The following HDLBP variants were observed in gnomAD, a reference collection of about 807,000 sequenced individuals.
HDLBP encodes high density lipoprotein binding protein, also known as vigilin.
In HDLBP, 30 loss-of-function variants were observed where a neutral mutation model predicts 137.3. That is an observed-to-expected ratio of 0.22 (90% confidence interval 0.16 to 0.30). HDLBP has a LOEUF of 0.30. Ranked by LOEUF, HDLBP falls within the 10% of genes least tolerant of loss-of-function variation. The pLI, the probability that HDLBP is intolerant of heterozygous loss-of-function variation, is 1.00. For missense variants in HDLBP, 1,119 were observed against 1,667.3 expected (o/e 0.67, Z 5.73); for synonymous variants, 606 against 596.0 (o/e 1.02, Z -0.24).
At position 241,236,593 on chromosome 2, in the gene HDLBP, AG is replaced by A. The variant is rs3214744; in HGVS notation, c.2904+21del. On this transcript the variant is annotated intron_variant, in intron 21 of 27. Coordinates refer to ENST00000310931, the MANE Select transcript of HDLBP (RefSeq NM_005336.6). ...CTGACTGGGCCTTGGCGGGGGGTGG[AG>A]GGGGGCACATGGACACATACCTCCA... The A allele has an allele frequency of 2.8e-4, 452 of 1,609,516 alleles. 5 individuals carry two copies. The East Asian group carries it at 9.3e-3, about 33-fold the overall frequency.
chr2:241,262,391 C>A (rs1456811845), intron 5 of HDLBP, among the ~76,000 whole-genome samples: 1 of 152,110 alleles, frequency 6.6e-6, no homozygotes, highest in Non-Finnish European at 1.5e-5. Flanking sequence ...CCACAGTGTA[C>A]TATAACCACA....
At chr2:241,253,242 C>G in intron 10 of HDLBP, 151 bp downstream of exon 10, 1 of 703,966 alleles carries the variant, frequency 1.4e-6, no homozygotes, top group South Asian at 1.6e-5. Context: ...CGACCAGCTT[C>G]TGGTTGTTTC....
At chr2:241,248,617 T>G (rs62186367) in intron 12 of HDLBP, among the ~76,000 whole-genome samples, 1 of 152,008 alleles carries the variant, frequency 6.6e-6, no homozygotes, top group Non-Finnish European at 1.5e-5. Flanking sequence ...GAACTCGCTG[T>G]AGGACCCTTC....
At chr2:241,235,670 C>T in intron 21 of HDLBP, 76 bp from the exon 22 acceptor site, 2 of 997,942 alleles carry the variant, frequency 2.0e-6, no homozygotes, top group Non-Finnish European at 3.1e-6. Flanking sequence ...AATGGGGCTC[C>T]ACGAAACACA....
chr2:241,249,375 C>T (rs773421966), intron 12 of HDLBP: 3 of 471,990 alleles, frequency 6.4e-6, no homozygotes, highest in Non-Finnish European at 1.3e-5. Context: ...AGGGTGCTCA[C>T]AGCTTGGCAT....
chr2:241,266,705 C>T, intron 3 of HDLBP, 89 bp downstream of exon 3: 1 of 903,044 alleles, frequency 1.1e-6, no homozygotes, highest in Non-Finnish European at 1.8e-6. Context: ...CCAAAAGGTA[C>T]TTCTAGAAAG....
rs2074166561 is a variant in HDLBP, at chr2:241,272,538, C to G, written c.-102-3997G>C. On this transcript the variant is annotated intron_variant, in intron 1 of 27. Transcript: ENST00000310931. The surrounding 1 kb of genome is among the most constrained non-coding windows in gnomAD (Gnocchi z 5.6). ...GCGCCACGGCCACGCGCAGAAGAGA[C>G]TCGGAGCCGGCCCCAGGTCTGGCCC... 1.0e-6 allele frequency: 1 copy of G among 984,566 alleles called. No individual in the cohort carries two copies. Among genetic ancestry groups the G allele is most frequent in the South Asian group, 4.7e-5 (1 of 21,278 alleles). The allele number at this position is 984,566 out of a possible 1,614,324, so 61.0% of individuals were successfully genotyped here.
At chr2:241,253,117 T>C in intron 10 of HDLBP, 82 bp from the exon 11 acceptor site, 3 of 1,006,952 alleles carry the variant, frequency 3.0e-6, no homozygotes, top group East Asian at 2.5e-5. Flanking sequence ...GTCTCCACGG[T>C]TGCCTTTTCT....
intron 1 of HDLBP, among the ~76,000 whole-genome samples, chr2:241,290,826 GAATT>G (rs1022126569): frequency 2.0e-5 from 3 of 152,132 alleles, no homozygotes; most frequent in African/African-American, 7.2e-5. Flanking sequence ...AAGCATCAGA[GAATT>G]ATTTAACTTT....
rs1182545688 is a variant in HDLBP at position 241,238,891 on chromosome 2, C to T, written c.2611-104G>A. The T allele has an allele frequency of 3.4e-6, 3 of 892,266 alleles. No homozygotes were observed. Among genetic ancestry groups the T allele is most frequent in the South Asian group, 2.7e-5 (1 of 37,276 alleles). 55.3% of individuals were successfully genotyped at this position (892,266 alleles called of 1,614,324 possible). A position where few individuals can be genotyped will look rare whatever the true frequency, so the allele number is the denominator to read the frequency against. Reference sequence around the variant, plus strand: ...CCACCTTCCTCCCTGTCCTCTACAGCCACTTGGCACAGATGCTCCCCTTCT... The same window carrying T: ...CCACCTTCCTCCCTGTCCTCTACAGTCACTTGGCACAGATGCTCCCCTTCT... On this transcript the variant is annotated intron_variant, in intron 19 of 27. Coordinates refer to ENST00000310931, the MANE Select transcript of HDLBP (RefSeq NM_005336.6). This position sits in a 1 kb window ranked among gnomAD's most constrained non-coding sequence, Gnocchi z 4.9.
At chr2:241,265,614 C>T (rs557693008) in intron 3 of HDLBP, among the ~76,000 whole-genome samples, 2 of 152,170 alleles carry the variant, frequency 1.3e-5, no homozygotes, top group Non-Finnish European at 2.9e-5. Context: ...TTTTGGATAA[C>T]CCAAATCCCC....
intron 1 of HDLBP, among the ~76,000 whole-genome samples, chr2:241,312,563 C>T (rs1047853559): frequency 5.9e-5 from 9 of 152,286 alleles, no homozygotes; most frequent in East Asian, 5.8e-4. Context: ...TGGTCAAAAA[C>T]CTTTACACGC....
chr2:241,282,755 TA>T (rs1196805242), intron 1 of HDLBP, among the ~76,000 whole-genome samples: 20 of 152,282 alleles, frequency 1.3e-4, no homozygotes, highest in African/African-American at 4.8e-4. Context: ...GCAGAGAACT[TA>T]ATCAATCAAT....
rs1052141854 is a variant in HDLBP at position 241,240,256 on chromosome 2, A to G, written c.2170-134T>C. ...ACCAGTGTCCTGATGTTGCACCAAT[A>G]CCCCCAAAATGGGGCTAGCACACCT... is the stretch of plus-strand genomic sequence containing the variant. On this transcript the variant is annotated intron_variant, in intron 17 of 27. Coordinates refer to ENST00000310931, the MANE Select transcript of HDLBP (RefSeq NM_005336.6). The surrounding 1 kb of genome is among the most constrained non-coding windows in gnomAD (Gnocchi z 5.5). The G allele has an allele frequency of 4.9e-6, 4 of 821,580 alleles. No homozygotes were observed. The highest frequency in any genetic ancestry group is 4.4e-5 in the South Asian group (3 of 68,466). The allele number at this position is 821,580 out of a possible 1,614,324, so 50.9% of individuals were successfully genotyped here. A position where few individuals can be genotyped will look rare whatever the true frequency, so the allele number is the denominator to read the frequency against.
chr2:241,285,474 C>T (rs887596956), intron 1 of HDLBP, among the ~76,000 whole-genome samples: 1 of 152,086 alleles, frequency 6.6e-6, no homozygotes, highest in Admixed American at 6.5e-5. Context: ...GATGAATGAC[C>T]AAGTCTCCAC....
chr2:241,256,339 G>A lies in HDLBP; in HGVS notation c.718C>T (p.Pro240Ser). 6.2e-7 allele frequency: 1 copy of A among 1,614,016 alleles called. No individual in the cohort carries two copies. Among genetic ancestry groups the A allele is most frequent in the Non-Finnish European group, 8.5e-7 (1 of 1,179,946 alleles). Residue 240 changes from proline (P) to serine (S), a missense_variant, in exon 7 of 28, where the codon CCG becomes TCG. This residue lies in a region of HDLBP where 425 missense variants were observed against 693.9 expected (regional missense o/e 0.61). Transcript: ENST00000310931. ...ATCTCGCCAACCAGTCTATTATACGGCCCAGCGATGAAGGGGTGGAATGCC... is the reference window on the plus strand; with the variant it reads ...ATCTCGCCAACCAGTCTATTATACGACCCAGCGATGAAGGGGTGGAATGCC... ...EKAFHPFIAG[P>S]YNRLVGEIMQ...
At chr2:241,265,217 G>C (rs540337875) in intron 3 of HDLBP, among the ~76,000 whole-genome samples, 1 of 152,288 alleles carries the variant, frequency 6.6e-6, no homozygotes, top group South Asian at 2.1e-4. Context: ...TCGGGAGTTC[G>C]AGACCAGCCT....
At chr2:241,229,752 C>T in intron 27 of HDLBP, 65 bp from the exon 28 acceptor site, 2 of 1,608,088 alleles carry the variant, frequency 1.2e-6, no homozygotes, top group South Asian at 1.1e-5. Flanking sequence ...GCTTCCGACG[C>T]AGTTGCCACC....
chr2:241,279,052 A>T (rs930274675), intron 1 of HDLBP, among the ~76,000 whole-genome samples: 10 of 97,914 alleles, frequency 1.0e-4, no homozygotes, highest in African/African-American at 2.3e-4. Flanking sequence ...AAAATTTTTT[A>T]AAATCTAATT....
Sources: gnomAD v4.1 joint callset for allele counts (sites outside exome capture counted in the v4.1 genomes callset) on GRCh38, gnomAD v4.1.1 for gene constraint, gnomAD v4.1.1 regional missense constraint, Gnocchi (gnomAD v3.1) non-coding constraint, MANE v1.5 for transcripts, NCBI Gene and HGNC (gene_info 2026-07-23, HGNC 2026-07-21) for gene names.